The following GSK3B variants were observed in gnomAD, a reference collection of about 807,000 sequenced individuals.
The protein encoded by GSK3B is glycogen synthase kinase-3 beta.
Under a neutral mutation model 56.4 loss-of-function variants are expected in GSK3B, and 15 were observed. The observed-to-expected ratio is 0.27, with a 90% confidence interval of 0.18 to 0.41. The LOEUF (loss-of-function observed/expected upper bound fraction) is 0.41, where lower values mean the gene tolerates loss of function less well. Ranked by LOEUF, GSK3B falls within the 10% of genes least tolerant of loss-of-function variation. The probability of loss-of-function intolerance (pLI) is 1.00; values close to 1 mark genes in which losing one functional copy is unlikely to be tolerated. For synonymous variants in GSK3B, 181 were observed against 188.9 expected (o/e 0.96, Z 0.34); for missense variants, 300 against 513.4 (o/e 0.58, Z 4.02).
chr3:120,039,257 G>C (rs1013110171), intron 1 of GSK3B, among the ~76,000 whole-genome samples: 1 of 152,288 alleles, frequency 6.6e-6, no homozygotes, highest in African/African-American at 2.4e-5. Flanking sequence ...ATGTAAAATA[G>C]TACAGCCATT....
intron 10 of GSK3B, among the ~76,000 whole-genome samples, chr3:119,833,462 G>GT (rs1277165439): frequency 6.6e-6 from 1 of 152,052 alleles, no homozygotes; most frequent in African/African-American, 2.4e-5. Flanking sequence ...CTCTAATATA[G>GT]TAGCTGCTAA....
rs575736886 is a variant in GSK3B, at chr3:119,861,460, G to A, written c.1096+1959C>T. Among the ~76,000 whole-genome samples, 9 of 151,328 alleles carry A rather than the reference G, an allele frequency of 5.9e-5. No homozygotes were observed. The East Asian group carries it at 1.2e-3, about 20-fold the overall frequency. ...TGGGAGGTGGAGGTTGCAGCGAGCC[G>A]GTATCATGCCACTGCACTCCAGCCT... is the stretch of plus-strand genomic sequence containing the variant. On this transcript the variant is annotated intron_variant, in intron 9 of 10. Transcript: ENST00000264235.
At chr3:119,958,057 A>G (rs1252752751) in intron 2 of GSK3B, among the ~76,000 whole-genome samples, 1 of 152,160 alleles carries the variant, frequency 6.6e-6, no homozygotes, top group African/African-American at 2.4e-5. Context: ...GAGGGAAGTG[A>G]CTGGGAGAGA....
intron 1 of GSK3B, among the ~76,000 whole-genome samples, chr3:120,051,133 T>C (rs2058145655): frequency 6.7e-6 from 1 of 149,966 alleles, no homozygotes; most frequent in Admixed American, 6.6e-5. Context: ...ATTTCTTTTT[T>C]TTTTTTTTTA....
At chr3:119,838,709 C>A (rs1031742128) in intron 10 of GSK3B, among the ~76,000 whole-genome samples, 5 of 152,036 alleles carry the variant, frequency 3.3e-5, no homozygotes, top group Non-Finnish European at 5.9e-5. Flanking sequence ...GTTACATTGG[C>A]TCTCCTTTTT....
chr3:119,941,480 C>T (rs993508668), intron 3 of GSK3B, among the ~76,000 whole-genome samples: 2 of 152,172 alleles, frequency 1.3e-5, no homozygotes, highest in African/African-American at 4.8e-5. Flanking sequence ...GGAGCTGACG[C>T]CCAACATTGC....
chr3:119,835,508 T>C lies in GSK3B; in HGVS notation c.1195+7747A>G, dbSNP rs1443348796. On this transcript the variant is annotated intron_variant, in intron 10 of 10. Transcript: ENST00000264235. The stretch of plus-strand genomic sequence containing the variant: ...ACAGTCTATACCTTCACCCTCTAAA[T>C]AGCCTAAGCCCATTTTTTAAAAAAC... 3.9e-5 allele frequency among the ~76,000 whole-genome samples: 6 copies of C among 152,286 alleles called. No homozygotes were observed. In the South Asian group the frequency reaches 1.2e-3, roughly 32 times the overall value.
intron 1 of GSK3B, among the ~76,000 whole-genome samples, chr3:120,007,461 C>T (rs1446993574): frequency 6.6e-6 from 1 of 150,666 alleles, no homozygotes; most frequent in Admixed American, 6.6e-5. Flanking sequence ...GACACAACAA[C>T]AAAAAAAAAG....
At chr3:120,078,297 T>G (rs1447262166) in intron 1 of GSK3B, among the ~76,000 whole-genome samples, 2 of 151,954 alleles carry the variant, frequency 1.3e-5, no homozygotes, top group African/African-American at 4.8e-5. Flanking sequence ...TTAGAACAAT[T>G]TCCTACTCCT....
chr3:119,980,599 C>A (rs1314762435), intron 2 of GSK3B, among the ~76,000 whole-genome samples: 2 of 152,178 alleles, frequency 1.3e-5, no homozygotes, highest in Admixed American at 6.5e-5. Context: ...GGTAACCCAC[C>A]CGTCTTGGCC....
intron 2 of GSK3B, among the ~76,000 whole-genome samples, chr3:119,964,409 T>C (rs1021799772): frequency 6.6e-6 from 1 of 152,162 alleles, no homozygotes; most frequent in African/African-American, 2.4e-5. Flanking sequence ...ATACATACAA[T>C]AGAATAAATA....
intron 1 of GSK3B, among the ~76,000 whole-genome samples, chr3:120,044,531 G>A (rs1282196268): frequency 6.6e-6 from 1 of 152,096 alleles, no homozygotes; most frequent in Non-Finnish European, 1.5e-5. Flanking sequence ...CCCCTTATGG[G>A]TCTTTTGACT....
chr3:119,904,654 A>G (rs2056664034), intron 7 of GSK3B, among the ~76,000 whole-genome samples: 1 of 152,174 alleles, frequency 6.6e-6, no homozygotes, highest in Non-Finnish European at 1.5e-5. Context: ...CTGAGGAGTT[A>G]CAGCTCAGTA....
intron 3 of GSK3B, among the ~76,000 whole-genome samples, chr3:119,936,120 T>A (rs974750022): frequency 6.6e-6 from 1 of 151,784 alleles, no homozygotes; most frequent in African/African-American, 2.4e-5. Flanking sequence ...AAGACTAACA[T>A]CACACTTGAA....
rs147976488 is a variant in GSK3B at position 119,948,254 on chromosome 3, G to C, written c.283-903C>G. ...AGTATACACCTGAGAATCTGGAAAG[G>C]AAATGGTGTTACGGTCAGAAAAGAG... On this transcript the variant is annotated intron_variant, in intron 2 of 10. Transcript: ENST00000264235. Among the ~76,000 whole-genome samples, 1,191 of 152,276 alleles carry C rather than the reference G, an allele frequency of 7.8e-3. 15 individuals carry two copies. The highest frequency in any genetic ancestry group is 0.027 in the African/African-American group (1,118 of 41,556).
intron 10 of GSK3B, among the ~76,000 whole-genome samples, chr3:119,835,027 T>C (rs955000988): frequency 6.6e-6 from 1 of 152,150 alleles, no homozygotes; most frequent in African/African-American, 2.4e-5. Flanking sequence ...CAAAATGGTA[T>C]AGTTCAAAAT....
At chr3:119,969,089 C>G (rs1004689340) in intron 2 of GSK3B, among the ~76,000 whole-genome samples, 1 of 151,834 alleles carries the variant, frequency 6.6e-6, no homozygotes, top group Non-Finnish European at 1.5e-5. Flanking sequence ...GTCAGGAGTT[C>G]AAGACAAACC....
At chr3:120,088,308 T>C (rs532354426) in intron 1 of GSK3B, among the ~76,000 whole-genome samples, 26 of 152,288 alleles carry the variant, frequency 1.7e-4, no homozygotes, top group South Asian at 6.2e-4. Context: ...TTTAAAAAAA[T>C]AGAAAACTCA....
At chr3:120,043,866 T>C (rs1456182523) in intron 1 of GSK3B, among the ~76,000 whole-genome samples, 1 of 152,174 alleles carries the variant, frequency 6.6e-6, no homozygotes, top group Non-Finnish European at 1.5e-5. Context: ...TCCTTCTCCA[T>C]CTAAACCTTC....
Sources: allele counts gnomAD v4.1 joint callset (sites outside exome capture counted in the v4.1 genomes callset), GRCh38; gene constraint gnomAD v4.1.1; transcripts MANE v1.5; gene names NCBI Gene and HGNC (gene_info 2026-07-23, HGNC 2026-07-21).